Variants in NRXN1 observed in about 807,000 individuals in gnomAD.
NRXN1 encodes neurexin 1, also known as neurexin-1.
In NRXN1, 39 loss-of-function variants were observed where a neutral mutation model predicts 150.9. The ratio of observed to expected loss-of-function variants is 0.26; its 90% CI spans 0.20 to 0.34. The LOEUF (loss-of-function observed/expected upper bound fraction) is 0.34, where lower values mean the gene tolerates loss of function less well. NRXN1 is among the 10% of genes least tolerant of loss of function. The probability of loss-of-function intolerance (pLI) is 1.00; values close to 1 mark genes in which losing one functional copy is unlikely to be tolerated. For synonymous variants in NRXN1, 924 were observed against 757.0 expected (o/e 1.22, Z -3.62); for missense variants, 1,815 against 1,949.9 (o/e 0.93, Z 1.30).
At chr2:50,669,134 T>G (rs1034392072) in intron 5 of NRXN1, among the ~76,000 whole-genome samples, 2 of 151,680 alleles carry the variant, frequency 1.3e-5, no homozygotes, top group African/African-American at 4.8e-5. Context: ...CTCAAAGAAA[T>G]AACAAACAAT....
chr2:50,398,417 C>T (rs1184214874), intron 17 of NRXN1, among the ~76,000 whole-genome samples: 1 of 151,924 alleles, frequency 6.6e-6, no homozygotes, highest in East Asian at 1.9e-4. Context: ...GCATTGGAAT[C>T]CTACTCAAAT....
At chr2:50,977,589 A>G (rs1363156323) in intron 2 of NRXN1, among the ~76,000 whole-genome samples, 1 of 151,948 alleles carries the variant, frequency 6.6e-6, no homozygotes, top group African/African-American at 2.4e-5. Context: ...TCTATTCAAC[A>G]AAAATATTAC....
In NRXN1 at chr2:50,498,952, G is replaced by C. The variant is rs191302680; in HGVS notation, c.2498-1238C>G. 3.9e-5 allele frequency among the ~76,000 whole-genome samples: 6 copies of C among 152,250 alleles called. No homozygotes were observed. In the East Asian group the frequency reaches 1.2e-3, roughly 29 times the overall value. ...ATTATTAATGAAAATATTAATTAGA[G>C]CTAATCCCAGAATCAGCCCCTGAGA... On this transcript the variant is annotated intron_variant, in intron 13 of 22. Transcript: ENST00000401669.
chr2:50,829,048 A>G (rs112919398), intron 5 of NRXN1, among the ~76,000 whole-genome samples: 24,675 of 152,066 alleles, frequency 0.16, 2,229 homozygotes, highest in Non-Finnish European at 0.19. Flanking sequence ...CCAACACAGC[A>G]AAACCCCGTC....
chr2:50,964,282 A>T (rs1389871498), intron 2 of NRXN1, among the ~76,000 whole-genome samples: 1 of 151,444 alleles, frequency 6.6e-6, no homozygotes, highest in Non-Finnish European at 1.5e-5. Context: ...TGGCAATGGG[A>T]AAACTATGAC....
At chr2:50,314,831 C>A (rs1045104293) in intron 17 of NRXN1, among the ~76,000 whole-genome samples, 1 of 151,914 alleles carries the variant, frequency 6.6e-6, no homozygotes, top group Non-Finnish European at 1.5e-5. Flanking sequence ...CTATTGTGGC[C>A]TGAGCCTTGG....
At chr2:50,541,837 T>C (rs1418743679) in intron 9 of NRXN1, among the ~76,000 whole-genome samples, 3 of 152,106 alleles carry the variant, frequency 2.0e-5, no homozygotes, top group Admixed American at 6.6e-5. Flanking sequence ...GGACCATCAA[T>C]GGATTTTAGC....
intron 8 of NRXN1, among the ~76,000 whole-genome samples, chr2:50,564,694 A>G (rs1223386270): frequency 6.6e-6 from 1 of 152,134 alleles, no homozygotes; most frequent in Non-Finnish European, 1.5e-5. Flanking sequence ...GAACACATGT[A>G]ACTGTTGTTC....
intron 2 of NRXN1, among the ~76,000 whole-genome samples, chr2:51,010,763 C>T (rs142982162): frequency 2.3e-4 from 35 of 151,250 alleles, no homozygotes; most frequent in African/African-American, 7.5e-4. Flanking sequence ...CCACACCTTT[C>T]GGCCAAAACT....
intron 18 of NRXN1, among the ~76,000 whole-genome samples, chr2:50,235,396 T>C (rs2065322131): frequency 6.6e-6 from 1 of 152,068 alleles, no homozygotes; most frequent in Non-Finnish European, 1.5e-5. Context: ...CATTTTAAAT[T>C]GAAATTTTAC....
At chr2:50,678,447 T>C (rs1305084226) in intron 5 of NRXN1, among the ~76,000 whole-genome samples, 1 of 152,212 alleles carries the variant, frequency 6.6e-6, no homozygotes, top group East Asian at 1.9e-4. Context: ...ACAAAAGTTA[T>C]ATTAAGATAA....
intron 17 of NRXN1, among the ~76,000 whole-genome samples, chr2:50,251,367 C>CT (rs35768842): frequency 0.41 from 62,627 of 151,764 alleles, 13,121 homozygotes; most frequent in Middle Eastern, 0.46. Context: ...GATCTCAGTC[C>CT]TTTTTATGGC....
chr2:50,151,455 T>C (rs573271343), intron 18 of NRXN1, among the ~76,000 whole-genome samples: 8 of 151,882 alleles, frequency 5.3e-5, no homozygotes, highest in African/African-American at 1.9e-4. Flanking sequence ...CCATGTTTCT[T>C]CTCTAATCAC....
chr2:50,972,189 T>A (rs1316273391), intron 2 of NRXN1, among the ~76,000 whole-genome samples: 1 of 152,190 alleles, frequency 6.6e-6, no homozygotes, highest in Non-Finnish European at 1.5e-5. Flanking sequence ...GTGTGTATAT[T>A]TTTATATGCC....
intron 17 of NRXN1, among the ~76,000 whole-genome samples, chr2:50,320,485 T>G (rs1242111523): frequency 4.6e-5 from 7 of 151,668 alleles, no homozygotes; most frequent in Non-Finnish European, 8.8e-5. Flanking sequence ...CATTTCTATA[T>G]GTTAATATAA....
chr2:50,707,125 G>A (rs951557447), intron 5 of NRXN1, among the ~76,000 whole-genome samples: 2 of 152,136 alleles, frequency 1.3e-5, no homozygotes, highest in Non-Finnish European at 2.9e-5. Flanking sequence ...AGGTGTGTAT[G>A]TATTTGCTTG....
At chr2:50,866,964 T>C (rs188025829) in intron 5 of NRXN1, among the ~76,000 whole-genome samples, 11 of 152,076 alleles carry the variant, frequency 7.2e-5, no homozygotes, top group Admixed American at 2.0e-4. Context: ...CATAATACTC[T>C]CTTAAGCTGT....
chr2:50,355,525 C>A (rs1191512110), intron 17 of NRXN1, among the ~76,000 whole-genome samples: 4 of 152,168 alleles, frequency 2.6e-5, no homozygotes, highest in Non-Finnish European at 5.9e-5. Context: ...ACATGAATTT[C>A]TCACTCTTCC....
chr2:51,028,280 G>A lies in NRXN1; in HGVS notation c.-7C>T. The A allele has an allele frequency of 1.4e-6, 2 of 1,435,278 alleles. No individual in the cohort carries two copies. The highest frequency in any genetic ancestry group is 1.8e-6 in the Non-Finnish European group (2 of 1,099,570). The allele number at this position is 1,435,278 out of a possible 1,614,324, so 88.9% of individuals were successfully genotyped here. On this transcript the variant is annotated 5_prime_UTR_variant, in exon 2 of 23. Coordinates refer to ENST00000401669, the MANE Select transcript of NRXN1 (RefSeq NM_001330078.2). Reference sequence around the variant, plus strand: ...GGAGCAGCGCCGTCCCCATGCTCGGGGCTGGGGTGCGGCGGGGGGGTGCCG... The same window carrying A: ...GGAGCAGCGCCGTCCCCATGCTCGGAGCTGGGGTGCGGCGGGGGGGTGCCG...
Sources: gnomAD v4.1 joint callset for allele counts (sites outside exome capture counted in the v4.1 genomes callset) on GRCh38, gnomAD v4.1.1 for gene constraint, MANE v1.5 for transcripts, NCBI Gene and HGNC (gene_info 2026-07-23, HGNC 2026-07-21) for gene names.